The following COL11A1 variants were observed in gnomAD, a reference collection of about 807,000 sequenced individuals.
COL11A1 encodes the protein collagen type XI alpha 1 chain, also known as collagen alpha-1(XI) chain.
In COL11A1, 74 loss-of-function variants were observed where a neutral mutation model predicts 265.2. That is an observed-to-expected ratio of 0.28 (90% CI 0.23 to 0.34). COL11A1 has a LOEUF of 0.34. Among genes scored for constraint, COL11A1 ranks in the 10% least tolerant of loss-of-function variants. The pLI is 1.00. For synonymous variants in COL11A1, 816 were observed against 727.6 expected (o/e 1.12, Z -1.96); for missense variants, 2,165 against 2,263.6 (o/e 0.96, Z 0.88).
rs112924277 is a variant in COL11A1, at chr1:103,094,628, G to A, written c.107-11656C>T. Among the ~76,000 whole-genome samples, 237 of 152,024 alleles carry A rather than the reference G, an allele frequency of 1.6e-3. 1 individual carries two copies. The highest frequency in any genetic ancestry group is 5.6e-3 in the African/African-American group (232 of 41,470). ...TCCTCAACATGAAGATGATGATGAT[G>A]ATAAGGAAAATCTTTATGATGATTC... is the stretch of plus-strand genomic sequence containing the variant. On this transcript the variant is annotated intron_variant, in intron 1 of 66. Transcript: ENST00000370096.
intron 1 of COL11A1, among the ~76,000 whole-genome samples, chr1:103,093,905 C>T (rs116527721): frequency 5.4e-4 from 82 of 152,200 alleles, no homozygotes; most frequent in African/African-American, 1.9e-3. Flanking sequence ...ATGGAAAGCA[C>T]TGTCAATGCT....
chr1:102,996,430 A>G (rs528333807), intron 26 of COL11A1, among the ~76,000 whole-genome samples: 4 of 152,038 alleles, frequency 2.6e-5, no homozygotes, highest in African/African-American at 9.6e-5. Flanking sequence ...ATAATTTCAA[A>G]TAGAAAATTA....
intron 63 of COL11A1, among the ~76,000 whole-genome samples, chr1:102,885,900 A>G (rs1650908071): frequency 6.6e-6 from 1 of 152,168 alleles, no homozygotes; most frequent in Non-Finnish European, 1.5e-5. Context: ...TTTTACCTTT[A>G]ACAGGCTATG....
chr1:103,043,991 G>A (rs994526059), intron 4 of COL11A1, among the ~76,000 whole-genome samples: 2 of 152,044 alleles, frequency 1.3e-5, no homozygotes, highest in Non-Finnish European at 2.9e-5. Context: ...GAGCTTTCAG[G>A]AAAAGTCTGG....
chr1:102,885,187 T>C (rs929764142), intron 63 of COL11A1, among the ~76,000 whole-genome samples: 1 of 152,204 alleles, frequency 6.6e-6, no homozygotes, highest in Admixed American at 6.5e-5. Flanking sequence ...CTCTGTATCT[T>C]TCGAGCTTGA....
At chr1:103,085,922 T>C (rs4908289) in intron 1 of COL11A1, among the ~76,000 whole-genome samples, 76,966 of 151,628 alleles carry the variant, frequency 0.51, 22,155 homozygotes, top group East Asian at 0.91. Context: ...TTCTTATCCG[T>C]CCTGTGCAGA....
chr1:103,075,722 T>C (rs994349483), intron 3 of COL11A1, among the ~76,000 whole-genome samples: 6 of 152,138 alleles, frequency 3.9e-5, no homozygotes, highest in Non-Finnish European at 8.8e-5. Context: ...AGATTAATAT[T>C]CCAGAAGTGT....
At chr1:102,905,414 A>G (rs972369885) in intron 54 of COL11A1, among the ~76,000 whole-genome samples, 2 of 142,686 alleles carry the variant, frequency 1.4e-5, no homozygotes, top group African/African-American at 4.9e-5. Flanking sequence ...AAGAGAGAGA[A>G]AGGAAGGAAG....
At chr1:103,043,238 AATACATCATAT>A (rs1668978363) in intron 4 of COL11A1, among the ~76,000 whole-genome samples, 2 of 145,438 alleles carry the variant, frequency 1.4e-5, no homozygotes, top group African/African-American at 5.1e-5. Flanking sequence ...GTATATATGA[AATACATCATAT>A]ATATGAAATA....
chr1:103,016,277 T>A (rs1477153410), intron 11 of COL11A1, among the ~76,000 whole-genome samples: 1 of 151,928 alleles, frequency 6.6e-6, no homozygotes, highest in Non-Finnish European at 1.5e-5. Context: ...AATGACTAAT[T>A]TTAGCATGTT....
chr1:102,981,440 A>G (rs1663030889), intron 31 of COL11A1, among the ~76,000 whole-genome samples: 1 of 152,082 alleles, frequency 6.6e-6, no homozygotes, highest in African/African-American at 2.4e-5. Context: ...AGAAGAGGTA[A>G]CAGCATATTT....
intron 4 of COL11A1, among the ~76,000 whole-genome samples, chr1:103,053,251 C>T (rs911518248): frequency 2.0e-5 from 3 of 152,212 alleles, no homozygotes; most frequent in Admixed American, 6.5e-5. Flanking sequence ...GCCTTAAATG[C>T]GTCATTGAGC....
chr1:102,994,040 C>T (rs948610346), intron 28 of COL11A1, among the ~76,000 whole-genome samples: 2 of 152,016 alleles, frequency 1.3e-5, no homozygotes, highest in African/African-American at 2.4e-5. Flanking sequence ...AATCTGACAA[C>T]ATAGTTGTTT....
intron 63 of COL11A1, 99 bp downstream of exon 63, chr1:102,886,708 A>G: frequency 6.8e-7 from 1 of 1,465,472 alleles, no homozygotes; most frequent in Non-Finnish European, 9.6e-7. Context: ...TTTTATTTAG[A>G]GACTGTATTA....
intron 52 of COL11A1, among the ~76,000 whole-genome samples, chr1:102,914,131 TG>T (rs968889007): frequency 6.6e-6 from 1 of 152,238 alleles, no homozygotes; most frequent in African/African-American, 2.4e-5. Context: ...CTAATCCAAT[TG>T]TTGTACCTAT....
chr1:102,978,777 A>T (rs201325953), intron 34 of COL11A1, 25 bp from the exon 35 acceptor site: 33 of 1,614,138 alleles, frequency 2.0e-5, no homozygotes, highest in Admixed American at 3.3e-5. Flanking sequence ...AGAAAAGAAA[A>T]ATCAGTTTGA....
At chr1:102,891,552 C>T (rs1651783808) in intron 57 of COL11A1, among the ~76,000 whole-genome samples, 1 of 151,900 alleles carries the variant, frequency 6.6e-6, no homozygotes, top group Non-Finnish European at 1.5e-5. Flanking sequence ...ATACTGATGA[C>T]TTTCGAACAA....
chr1:102,884,124 C>T (rs1308045305), intron 63 of COL11A1, among the ~76,000 whole-genome samples: 1 of 152,096 alleles, frequency 6.6e-6, no homozygotes, highest in African/African-American at 2.4e-5. Flanking sequence ...AATGATACCC[C>T]AAAGTGAAAG....
chr1:103,058,803 G>A (rs891738195), intron 4 of COL11A1, among the ~76,000 whole-genome samples: 7 of 152,072 alleles, frequency 4.6e-5, no homozygotes, highest in African/African-American at 1.7e-4. Flanking sequence ...TTATATATAA[G>A]ATGGTATATG....
Sources: allele counts gnomAD v4.1 joint callset (sites outside exome capture counted in the v4.1 genomes callset), GRCh38; gene constraint gnomAD v4.1.1; transcripts MANE v1.5; gene names NCBI Gene and HGNC (gene_info 2026-07-23, HGNC 2026-07-21).